Variants in ATL2 observed in about 807,000 individuals in gnomAD.
The protein encoded by ATL2 is atlastin-2.
ATL2 carries 31 observed loss-of-function variants against 73.9 expected under a neutral mutation model. The ratio of observed to expected loss-of-function variants is 0.42; its 90% CI spans 0.32 to 0.57. The LOEUF (loss-of-function observed/expected upper bound fraction) is 0.57. Ranked by LOEUF, ATL2 falls within the 20% of genes least tolerant of loss-of-function variation. ATL2 has a pLI of 0.14. For synonymous variants in ATL2, 291 were observed against 237.5 expected, an observed-to-expected ratio of 1.23 and a Z score of -2.07; for missense variants, 738 against 702.6, an observed-to-expected ratio of 1.05 and a Z score of -0.57.
At chr2:38,370,976 GA>G (rs931686347) in intron 1 of ATL2, among the ~76,000 whole-genome samples, 9 of 150,212 alleles carry the variant, frequency 6.0e-5, no homozygotes, top group African/African-American at 2.0e-4. Flanking sequence ...AAAAAATAAG[GA>G]AAAAAATACA....
chr2:38,305,656 A>G lies in ATL2; in HGVS notation c.1071+3723T>C, dbSNP rs543130652. Among the ~76,000 whole-genome samples, 305 of 152,342 alleles carry G rather than the reference A, an allele frequency of 2.0e-3. 1 individual carries two copies. The highest frequency in any genetic ancestry group is 3.5e-3 in the Non-Finnish European group (239 of 68,030). ...GAAACTATACAAACACATGGAAATT[A>G]TATTAATACAATAGGCTCTTGAATG... On this transcript the variant is annotated intron_variant, in intron 9 of 12. Coordinates refer to ENST00000378954, the MANE Select transcript of ATL2 (RefSeq NM_001135673.4).
Position 38,298,587 on chromosome 2 carries a change from G to A in ATL2, c.1201-12C>T. ...TCCCCTCCACATACCTGGACAGACA[G>A]AATTACAGTATTACATGCTAGAAAT... On this transcript the variant is annotated splice_polypyrimidine_tract_variant and intron_variant, in intron 11 of 12. Transcript: ENST00000378954. 6.2e-7 allele frequency: 1 copy of A among 1,600,946 alleles called. No homozygotes were observed. The highest frequency in any genetic ancestry group is 8.5e-7 in the Non-Finnish European group (1 of 1,173,374).
intron 2 of ATL2, among the ~76,000 whole-genome samples, chr2:38,332,140 G>T (rs1477423103): frequency 3.3e-5 from 5 of 152,172 alleles, no homozygotes; most frequent in Non-Finnish European, 7.3e-5. Context: ...CCTTCAGGTT[G>T]AGGGTTTGGA....
intron 1 of ATL2, among the ~76,000 whole-genome samples, chr2:38,363,708 A>G (rs1671141720): frequency 6.6e-6 from 1 of 152,230 alleles, no homozygotes; most frequent in African/African-American, 2.4e-5. Flanking sequence ...ATTACGAGGA[A>G]GACCTCCCAT....
chr2:38,376,251 A>T (rs986049497), intron 1 of ATL2: 2 of 1,430,982 alleles, frequency 1.4e-6, no homozygotes, highest in Non-Finnish European at 1.9e-6. Context: ...AACTCCTATA[A>T]ATAGGGGTGT....
Position 38,343,523 on chromosome 2 carries a change from A to G in ATL2, c.119-11T>C, listed in dbSNP as rs759170271. 1.3e-6 allele frequency: 2 copies of G among 1,598,740 alleles called. No individual in the cohort carries two copies. Among genetic ancestry groups the G allele is most frequent in the Admixed American group, 3.5e-5 (2 of 56,390 alleles). ...CTTCATAATTCTCACCTAGAATTTA[A>G]AAAGAAAGAAACTGGTTACTTTAAT... On this transcript the variant is annotated splice_polypyrimidine_tract_variant and intron_variant, in intron 1 of 12. Coordinates refer to ENST00000378954, the MANE Select transcript of ATL2 (RefSeq NM_001135673.4).
chr2:38,304,804 A>G (rs1014749349), intron 9 of ATL2, among the ~76,000 whole-genome samples: 1 of 152,224 alleles, frequency 6.6e-6, no homozygotes, highest in African/African-American at 2.4e-5. Flanking sequence ...ACAAAAAATA[A>G]AAAGAAATTA....
intron 1 of ATL2, among the ~76,000 whole-genome samples, chr2:38,368,306 G>A (rs1038771540): frequency 6.7e-6 from 1 of 148,830 alleles, no homozygotes; most frequent in Non-Finnish European, 1.5e-5. Context: ...AGGCTGGAGC[G>A]CAATGGTGCA....
Position 38,377,192 on chromosome 2 carries a change from G to A in ATL2, c.69C>T (p.Thr23=), listed in dbSNP as rs1316375229. ...PHQGLWRRRR[T]SDPSAAVNHV... The stretch of plus-strand genomic sequence containing the variant: ...GGTTAACCGCGGCGCTTGGGTCGCT[G>A]GTCCGTCGCCGGCGCCACAGCCCCT... Residue 23 remains threonine (T), a synonymous_variant, in exon 1 of 13, where the codon ACC becomes ACT. Transcript: ENST00000378954. The A allele has an allele frequency of 6.2e-7, 1 of 1,610,634 alleles. No individual in the cohort carries two copies. The highest frequency in any genetic ancestry group is 1.1e-5 in the South Asian group (1 of 90,758).
At chr2:38,377,291 G>A (rs767966365), upstream of ATL2, 94 of 1,504,068 alleles carry the variant, frequency 6.2e-5, no homozygotes, top group Non-Finnish European at 8.0e-5. Context: ...ACTCCCCACT[G>A]ACGTCAAACG....
chr2:38,332,761 T>C (rs1558420500), intron 2 of ATL2, among the ~76,000 whole-genome samples: 2 of 152,228 alleles, frequency 1.3e-5, no homozygotes, highest in South Asian at 4.1e-4. Context: ...CAAGTTTCTG[T>C]TGACTGTCCA....
chr2:38,335,313 T>C (rs1669290244), intron 2 of ATL2, among the ~76,000 whole-genome samples: 1 of 152,120 alleles, frequency 6.6e-6, no homozygotes, highest in African/African-American at 2.4e-5. Flanking sequence ...AGCAGTTTTA[T>C]TCATAACAGA....
intron 1 of ATL2, among the ~76,000 whole-genome samples, chr2:38,358,875 T>C (rs1226455787): frequency 1.3e-5 from 2 of 152,086 alleles, no homozygotes; most frequent in East Asian, 3.8e-4. Context: ...TTACAAGTAC[T>C]GACAAAGACA....
intron 2 of ATL2, among the ~76,000 whole-genome samples, chr2:38,325,494 C>T (rs750676813): frequency 3.4e-4 from 52 of 151,996 alleles, no homozygotes; most frequent in Non-Finnish European, 6.8e-4. Flanking sequence ...TGAATATTAT[C>T]TCAAAGAACT....
chr2:38,359,866 G>T (rs1382521252), intron 1 of ATL2, among the ~76,000 whole-genome samples: 2 of 151,980 alleles, frequency 1.3e-5, no homozygotes, highest in Admixed American at 6.6e-5. Flanking sequence ...GGTGGCTCAC[G>T]CCTGTAATCC....
chr2:38,335,075 AAC>A (rs1222532173), intron 2 of ATL2, among the ~76,000 whole-genome samples: 1 of 151,208 alleles, frequency 6.6e-6, no homozygotes, highest in African/African-American at 2.4e-5. Context: ...CAGAATAGCT[AAC>A]ATTAAAAAGA....
chr2:38,309,233 T>A (rs12469251), intron 9 of ATL2, 146 bp downstream of exon 9: 249,055 of 720,956 alleles, frequency 0.35, 45,194 homozygotes, highest in South Asian at 0.45. Context: ...TAAATACAGA[T>A]ACATCTAATT....
intron 1 of ATL2, among the ~76,000 whole-genome samples, chr2:38,371,800 G>A (rs1262461014): frequency 1.3e-5 from 2 of 151,940 alleles, no homozygotes; most frequent in African/African-American, 2.4e-5. Context: ...CAGGGGCTGA[G>A]GCACAAGAAT....
chr2:38,346,652 G>A (rs530665332), intron 1 of ATL2, among the ~76,000 whole-genome samples: 2 of 152,300 alleles, frequency 1.3e-5, no homozygotes, highest in African/African-American at 4.8e-5. Flanking sequence ...CACACGTGCA[G>A]TTCACAATAA....
Sources: allele counts gnomAD v4.1 joint callset (sites outside exome capture counted in the v4.1 genomes callset), GRCh38; gene constraint gnomAD v4.1.1; transcripts MANE v1.5; gene names NCBI Gene and HGNC (gene_info 2026-07-23, HGNC 2026-07-21).